TRABD: variants seen among roughly 807,000 people sequenced by gnomAD.
TRABD encodes TraB domain containing, also known as traB domain-containing protein.
A neutral mutation model predicts 39.6 loss-of-function variants in TRABD; 23 were observed. The observed-to-expected ratio is 0.58, with a 90% CI of 0.42 to 0.82. The LOEUF (loss-of-function observed/expected upper bound fraction) is 0.82. Ranked by LOEUF, TRABD falls within the 40% of genes least tolerant of loss-of-function variation. The pLI is 0.00. For missense variants in TRABD, 487 were observed against 544.9 expected (o/e 0.89, Z 1.06); for synonymous variants, 243 against 232.1 (o/e 1.05, Z -0.43).
At position 50,199,440 on chromosome 22, in the gene TRABD, C is replaced by G; in HGVS notation, c.*921C>G. 3.6e-6 allele frequency: 1 copy of G among 280,190 alleles called. No homozygotes were observed. The highest frequency in any genetic ancestry group is 7.3e-5 in the South Asian group (1 of 13,780). The allele number at this position is 280,190 out of a possible 1,614,324, so 17.4% of individuals were successfully genotyped here. ...CCTCCTGGCTGTCCAGGACACAGCC[C>G]GTGCAGCCCCAGCCTGGACCCAGGC... On this transcript the variant is annotated 3_prime_UTR_variant, in exon 10 of 10. Transcript: ENST00000380909.
chr22:50,198,288 G>A lies in TRABD; in HGVS notation c.957-57G>A. The A allele has an allele frequency of 6.6e-7, 1 of 1,519,894 alleles. No homozygotes were observed. Among genetic ancestry groups the A allele is most frequent in the African/African-American group, 1.4e-5 (1 of 72,970 alleles). The allele number at this position is 1,519,894 out of a possible 1,614,324, so 94.2% of individuals were successfully genotyped here. On this transcript the variant is annotated intron_variant, in intron 9 of 9. Transcript: ENST00000380909. This position sits in a 1 kb window ranked among gnomAD's most constrained non-coding sequence, Gnocchi z 7.9. The stretch of plus-strand genomic sequence containing the variant: ...CATGCGGCAGTGACCCAGGCATGGG[G>A]GCTGGGGTATGGGGAGCCCACCCCC...
In TRABD at chr22:50,198,436, G is replaced by A. The variant is rs571837983; in HGVS notation, c.1048G>A (p.Gly350Ser). 33 of 1,595,124 alleles carry A rather than the reference G, an allele frequency of 2.1e-5. No homozygotes were observed. The South Asian group carries it at 2.1e-4, about 10-fold the overall frequency. Reference protein sequence around the residue: ...GLLGYSLYWMGRRTASLVLSL... With the variant: ...GLLGYSLYWMSRRTASLVLSL... Reference sequence around the variant, plus strand: ...GCTGGGCTACAGCCTGTACTGGATGGGCCGCCGCACCGCGAGCCTGGTCCT... The same window carrying A: ...GCTGGGCTACAGCCTGTACTGGATGAGCCGCCGCACCGCGAGCCTGGTCCT... The change falls in exon 10 of 10, where the codon GGC becomes AGC. Residue 350 changes from glycine to serine, a missense_variant. Gly to Ser is a moderately conservative substitution (Grantham distance 56). This residue lies in a region of TRABD where 123 missense variants were observed against 108.3 expected (regional missense o/e 1.14). Coordinates refer to ENST00000380909, the MANE Select transcript of TRABD (RefSeq NM_001320485.2). The surrounding 1 kb of genome is among the most constrained non-coding windows in gnomAD (Gnocchi z 7.9).
intron 5 of TRABD, among the ~76,000 whole-genome samples, chr22:50,196,053 G>GT (rs1339217770): frequency 4.6e-5 from 7 of 152,210 alleles, no homozygotes. Context: ...GAATTCGGCA[G>GT]TGCCGTGCTG....
At chr22:50,195,086 C>A in intron 5 of TRABD, 46 bp downstream of exon 5, 2 of 1,511,992 alleles carry the variant, frequency 1.3e-6, no homozygotes, top group Admixed American at 2.0e-5. Flanking sequence ...GGGGTCAAAG[C>A]CACCTGTTTG....
intron 1 of TRABD, among the ~76,000 whole-genome samples, chr22:50,191,436 G>A (rs1242841136): frequency 6.6e-6 from 1 of 152,256 alleles, no homozygotes; most frequent in Non-Finnish European, 1.5e-5. Flanking sequence ...TGGGGCCGAG[G>A]TCTGTGCCTG....
In TRABD at chr22:50,197,544, G is replaced by C. The variant is rs1447753664; in HGVS notation, c.627G>C (p.Lys209Asn). 3 of 1,613,654 alleles carry C rather than the reference G, an allele frequency of 1.9e-6. No individual in the cohort carries two copies. Among genetic ancestry groups the C allele is most frequent in the South Asian group, 2.2e-5 (2 of 91,090 alleles). ...TCGCAGCGCTCTCCTTCTGGCAGAAGGTCAGGCTGGCTTGGGGCCTGTGCT... is the reference window on the plus strand; with the variant it reads ...TCGCAGCGCTCTCCTTCTGGCAGAACGTCAGGCTGGCTTGGGGCCTGTGCT... ...RAIAALSFWQKVRLAWGLCFL... is the reference protein window; with the variant it reads ...RAIAALSFWQNVRLAWGLCFL... Residue 209 changes from lysine (K) to asparagine (N), a missense_variant, in exon 7 of 10, where the codon AAG (lysine) becomes AAC (asparagine). This residue lies in a region of TRABD where 358 missense variants were observed against 414.7 expected (regional missense o/e 0.86). Transcript: ENST00000380909.
At position 50,198,282 on chromosome 22, in the gene TRABD, C is replaced by A; in HGVS notation, c.957-63C>A. ...CAACCACATGCGGCAGTGACCCAGG[C>A]ATGGGGGCTGGGGTATGGGGAGCCC... On this transcript the variant is annotated intron_variant, in intron 9 of 9. Transcript: ENST00000380909. This position sits in a 1 kb window ranked among gnomAD's most constrained non-coding sequence, Gnocchi z 7.9. 6.6e-7 allele frequency: 1 copy of A among 1,516,966 alleles called. No homozygotes were observed. Among genetic ancestry groups the A allele is most frequent in the Middle Eastern group, 1.9e-4 (1 of 5,218 alleles). 94.0% of individuals were successfully genotyped at this position (1,516,966 alleles called of 1,614,324 possible).
At chr22:50,197,196 C>A in intron 5 of TRABD, 45 bp from the exon 6 acceptor site, 2 of 1,578,550 alleles carry the variant, frequency 1.3e-6, no homozygotes, top group Non-Finnish European at 1.7e-6. Flanking sequence ...CCAGCGCACC[C>A]CCGCACCCGC....
In TRABD at chr22:50,190,239, G is replaced by A. The variant is rs2063861398; in HGVS notation, c.-34-2788G>A. ...GAGAGGCTGCAGGGGCCAGGGCTGG[G>A]GGCTGGCACTGCCTCTGGTGGCGCT... On this transcript the variant is annotated intron_variant, in intron 1 of 9. Coordinates refer to ENST00000380909, the MANE Select transcript of TRABD (RefSeq NM_001320485.2). Among the ~76,000 whole-genome samples the A allele has an allele frequency of 2.0e-5, 3 of 152,240 alleles. No individual in the cohort carries two copies. In the South Asian group the frequency reaches 6.2e-4, roughly 31 times the overall value.
At chr22:50,197,699 C>T in intron 7 of TRABD, 111 bp downstream of exon 7, 1 of 1,568,338 alleles carries the variant, frequency 6.4e-7, no homozygotes, top group Non-Finnish European at 8.7e-7. Context: ...CCTTCCCTGC[C>T]CTTTCCTTCC....
intron 5 of TRABD, among the ~76,000 whole-genome samples, chr22:50,196,274 TC>T (rs899166753): frequency 1.3e-5 from 2 of 152,174 alleles, no homozygotes; most frequent in Non-Finnish European, 2.9e-5. Context: ...CGTGAATGTC[TC>T]ATCCTAAGTT....
chr22:50,198,298 TG>T lies in TRABD; in HGVS notation c.957-43del. 1 of 1,502,568 alleles carries T rather than the reference TG, an allele frequency of 6.7e-7. No homozygotes were observed. The highest frequency in any genetic ancestry group is 9.0e-7 in the Non-Finnish European group (1 of 1,107,190). The allele number at this position is 1,502,568 out of a possible 1,614,324, so 93.1% of individuals were successfully genotyped here. On this transcript the variant is annotated intron_variant, in intron 9 of 9. Transcript: ENST00000380909. The surrounding 1 kb of genome is among the most constrained non-coding windows in gnomAD (Gnocchi z 7.9). ...TGACCCAGGCATGGGGGCTGGGGTA[TG>T]GGGAGCCCACCCCCAGCCAGGCCCA...
chr22:50,199,129 A>G lies in TRABD; in HGVS notation c.*610A>G. ...TTTTAATTTCAGAGAGAAAAACTGA[A>G]GTAAATGTCAAAAAACACCAGCCTT... is the stretch of plus-strand genomic sequence containing the variant. On this transcript the variant is annotated 3_prime_UTR_variant, in exon 10 of 10. Transcript: ENST00000380909. 1.4e-6 allele frequency: 1 copy of G among 719,922 alleles called. No homozygotes were observed. The highest frequency in any genetic ancestry group is 2.6e-6 in the Non-Finnish European group (1 of 385,930). 44.6% of individuals were successfully genotyped at this position (719,922 alleles called of 1,614,324 possible).
chr22:50,187,406 G>C (rs940644077), intron 1 of TRABD, among the ~76,000 whole-genome samples: 14 of 152,248 alleles, frequency 9.2e-5, no homozygotes, highest in African/African-American at 2.9e-4. Flanking sequence ...AGCAGGGGAG[G>C]TCAAAGCTCT....
In TRABD at chr22:50,198,050, A is replaced by G. The variant is rs2064185510; in HGVS notation, c.845-25A>G. 2 of 1,612,006 alleles carry G rather than the reference A, an allele frequency of 1.2e-6. No individual in the cohort carries two copies. Among genetic ancestry groups the G allele is most frequent in the African/African-American group, 1.3e-5 (1 of 74,874 alleles). On this transcript the variant is annotated intron_variant, in intron 8 of 9. Transcript: ENST00000380909. The surrounding 1 kb of genome is among the most constrained non-coding windows in gnomAD (Gnocchi z 7.9). The stretch of plus-strand genomic sequence containing the variant: ...CTGTGAGGCTGAGGCCCGAGCAGGT[A>G]CTGACCCCTTGTCCTTCCCCACAGC...
In TRABD at chr22:50,198,010, C is replaced by T. The variant is rs2064183565; in HGVS notation, c.844+15C>T. The T allele has an allele frequency of 2.5e-6, 4 of 1,610,784 alleles. No individual in the cohort carries two copies. Among genetic ancestry groups the T allele is most frequent in the South Asian group, 1.1e-5 (1 of 90,944 alleles). On this transcript the variant is annotated intron_variant, in intron 8 of 9. Transcript: ENST00000380909. The surrounding 1 kb of genome is among the most constrained non-coding windows in gnomAD (Gnocchi z 7.9). Reference sequence around the variant, plus strand: ...GGCCTCTGACGGTGACGGCCGCCCGCAGGCGTGGGACCCCCTGTGAGGCTG... The same window carrying T: ...GGCCTCTGACGGTGACGGCCGCCCGTAGGCGTGGGACCCCCTGTGAGGCTG...
rs989551005 is a variant in TRABD, at chr22:50,199,441, G to A, written c.*922G>A. On this transcript the variant is annotated 3_prime_UTR_variant, in exon 10 of 10. Transcript: ENST00000380909. ...CTCCTGGCTGTCCAGGACACAGCCC[G>A]TGCAGCCCCAGCCTGGACCCAGGCC... 22 of 281,570 alleles carry A rather than the reference G, an allele frequency of 7.8e-5. No individual in the cohort carries two copies. The highest frequency in any genetic ancestry group is 1.5e-4 in the African/African-American group (7 of 45,530). 17.4% of individuals were successfully genotyped at this position (281,570 alleles called of 1,614,324 possible). A position where few individuals can be genotyped will look rare whatever the true frequency, so the allele number is the denominator to read the frequency against.
intron 1 of TRABD, chr22:50,192,325 G>A (rs1014244569): frequency 3.3e-5 from 5 of 152,402 alleles, no homozygotes; most frequent in African/African-American, 1.2e-4. Flanking sequence ...GCGCCTGGCT[G>A]TTTTCTTCCT....
In TRABD at chr22:50,197,415, C is replaced by T. The variant is rs567060263; in HGVS notation, c.532-34C>T. On this transcript the variant is annotated intron_variant, in intron 6 of 9. Transcript: ENST00000380909. ...TGGCTCACAGGGGTGGTCCGGGGTT[C>T]CCACTGCTCCCCAACACCCAGCCTC... 3 of 1,612,520 alleles carry T rather than the reference C, an allele frequency of 1.9e-6. No homozygotes were observed. In the South Asian group the frequency reaches 3.3e-5, roughly 18 times the overall value.
Sources: gnomAD v4.1 joint callset for allele counts (sites outside exome capture counted in the v4.1 genomes callset) on GRCh38, gnomAD v4.1.1 for gene constraint, gnomAD v4.1.1 regional missense constraint, Gnocchi (gnomAD v3.1) non-coding constraint, MANE v1.5 for transcripts, NCBI Gene and HGNC (gene_info 2026-07-23, HGNC 2026-07-21) for gene names.